CDH18: variants seen among roughly 807,000 people sequenced by gnomAD.
The protein encoded by CDH18 is cadherin-18.
CDH18 carries 31 observed loss-of-function variants against 67.9 expected under a neutral mutation model. The observed-to-expected ratio is 0.46, with a 90% CI of 0.34 to 0.62. The LOEUF (loss-of-function observed/expected upper bound fraction) is 0.62, where lower values mean the gene tolerates loss of function less well. Ranked by LOEUF, CDH18 falls within the 20% of genes least tolerant of loss-of-function variation. CDH18 has a pLI of 0.01. For synonymous variants in CDH18, 362 were observed against 347.2 expected (o/e 1.04, Z -0.48); for missense variants, 890 against 975.5 (o/e 0.91, Z 1.17).
intron 5 of CDH18, among the ~76,000 whole-genome samples, chr5:19,633,368 G>A (rs752107182): frequency 2.0e-4 from 30 of 152,192 alleles, no homozygotes; most frequent in Middle Eastern, 3.4e-3. Context: ...TTCAGTGAAC[G>A]TTGATTGCAT....
intron 2 of CDH18, among the ~76,000 whole-genome samples, chr5:20,212,183 G>T (rs1331489254): frequency 6.6e-6 from 1 of 152,102 alleles, no homozygotes; most frequent in Non-Finnish European, 1.5e-5. Context: ...GGGTATCAGT[G>T]ATTGAAGATA....
intron 1 of CDH18, among the ~76,000 whole-genome samples, chr5:20,466,980 G>A (rs1435947297): frequency 6.6e-6 from 1 of 151,908 alleles, no homozygotes; most frequent in Non-Finnish European, 1.5e-5. Context: ...AAAAGGAGAG[G>A]GATAATATGA....
intron 5 of CDH18, among the ~76,000 whole-genome samples, chr5:19,675,749 G>C (rs1759398522): frequency 6.6e-6 from 1 of 152,024 alleles, no homozygotes; most frequent in South Asian, 2.1e-4. Flanking sequence ...AGGATTAAGA[G>C]ATTAAAGACA....
chr5:19,890,415 A>G (rs1788662240), intron 2 of CDH18, among the ~76,000 whole-genome samples: 1 of 152,050 alleles, frequency 6.6e-6, no homozygotes. Flanking sequence ...TAGGATGTGG[A>G]AATCTTTGGG....
At chr5:20,526,383 C>A (rs1480523930) in intron 1 of CDH18, among the ~76,000 whole-genome samples, 2 of 152,132 alleles carry the variant, frequency 1.3e-5, no homozygotes, top group Admixed American at 6.5e-5. Context: ...GATTTCCCCA[C>A]CACAGCACTC....
chr5:20,423,316 C>T (rs1032823048), intron 1 of CDH18, among the ~76,000 whole-genome samples: 1 of 151,376 alleles, frequency 6.6e-6, no homozygotes, highest in Non-Finnish European at 1.5e-5. Context: ...CGTCATCACT[C>T]TGCTATCTCA....
intron 2 of CDH18, among the ~76,000 whole-genome samples, chr5:20,103,620 C>T (rs1159138178): frequency 6.7e-6 from 1 of 149,510 alleles, no homozygotes; most frequent in East Asian, 2.0e-4. Flanking sequence ...GTAATCCCAG[C>T]TACTCAGGAG....
At chr5:20,117,856 C>CT (rs1396228799) in intron 2 of CDH18, among the ~76,000 whole-genome samples, 1 of 152,104 alleles carries the variant, frequency 6.6e-6, no homozygotes, top group African/African-American at 2.4e-5. Context: ...TTAACATTAA[C>CT]TTTTTTTAAA....
intron 12 of CDH18, among the ~76,000 whole-genome samples, chr5:19,481,356 C>T (rs1231704336): frequency 6.6e-6 from 1 of 152,174 alleles, no homozygotes; most frequent in African/African-American, 2.4e-5. Context: ...CAGGTATCTA[C>T]ATTATCAAAG....
intron 2 of CDH18, among the ~76,000 whole-genome samples, chr5:20,244,879 CAG>C (rs1192042175): frequency 7.2e-5 from 11 of 151,996 alleles, no homozygotes; most frequent in Non-Finnish European, 1.2e-4. Context: ...GAGAAAGAAA[CAG>C]ACATATCTAG....
intron 1 of CDH18, among the ~76,000 whole-genome samples, chr5:20,417,240 A>C (rs1041445162): frequency 3.3e-5 from 5 of 152,118 alleles, no homozygotes; most frequent in African/African-American, 1.2e-4. Context: ...CTGTTGCCCG[A>C]AAGTATGTAT....
intron 3 of CDH18, among the ~76,000 whole-genome samples, chr5:19,786,948 C>G (rs184886027): frequency 6.6e-6 from 1 of 152,168 alleles, no homozygotes; most frequent in African/African-American, 2.4e-5. Flanking sequence ...CCAGACCCTT[C>G]GCTGAAAACT....
intron 6 of CDH18, among the ~76,000 whole-genome samples, chr5:19,604,569 A>G (rs1242065352): frequency 6.8e-6 from 1 of 147,216 alleles, no homozygotes; most frequent in African/African-American, 2.5e-5. Context: ...ACACACACAC[A>G]CACACACAAA....
chr5:20,081,597 C>T (rs780117667), intron 2 of CDH18, among the ~76,000 whole-genome samples: 102 of 152,216 alleles, frequency 6.7e-4, no homozygotes, highest in Non-Finnish European at 1.2e-3. Context: ...TGCATATATA[C>T]CACAGAATAC....
intron 2 of CDH18, among the ~76,000 whole-genome samples, chr5:19,888,238 A>G (rs1259576699): frequency 2.6e-5 from 4 of 152,178 alleles, no homozygotes; most frequent in Non-Finnish European, 5.9e-5. Flanking sequence ...ACACAAAAAC[A>G]TACATGTGCA....
At chr5:19,555,911 C>A (rs1346010273) in intron 8 of CDH18, among the ~76,000 whole-genome samples, 2 of 152,174 alleles carry the variant, frequency 1.3e-5, no homozygotes, top group African/African-American at 2.4e-5. Flanking sequence ...TGCTGGTATC[C>A]ACAGCTGAGA....
At chr5:19,755,427 G>GTATATA (rs1373982305) in intron 3 of CDH18, among the ~76,000 whole-genome samples, 2,388 of 44,534 alleles carry the variant, frequency 0.054, 544 homozygotes, top group Admixed American at 0.11. Context: ...AACTAACAGG[G>GTATATA]TATGTATATA....
intron 2 of CDH18, among the ~76,000 whole-genome samples, chr5:20,112,935 A>G (rs1747599921): frequency 6.6e-6 from 1 of 152,164 alleles, no homozygotes; most frequent in African/African-American, 2.4e-5. Context: ...AACACTGAGA[A>G]CCTGATGTGG....
intron 4 of CDH18, among the ~76,000 whole-genome samples, chr5:19,723,783 G>A (rs1461204011): frequency 6.6e-6 from 1 of 151,638 alleles, no homozygotes; most frequent in East Asian, 1.9e-4. Context: ...GCGCCATCTC[G>A]GCTCACTGCA....
Sources: allele counts gnomAD v4.1 joint callset (sites outside exome capture counted in the v4.1 genomes callset), GRCh38; gene constraint gnomAD v4.1.1; transcripts MANE v1.5; gene names NCBI Gene and HGNC (gene_info 2026-07-23, HGNC 2026-07-21).